TBL1X: variants seen among roughly 807,000 people sequenced by gnomAD.
The protein encoded by TBL1X is F-box-like/WD repeat-containing protein TBL1X.
In TBL1X, 10 loss-of-function variants were observed where a neutral mutation model predicts 50.7. The ratio of observed to expected loss-of-function variants is 0.20; its 90% CI spans 0.12 to 0.33. The LOEUF (loss-of-function observed/expected upper bound fraction) is 0.33, where lower values mean the gene tolerates loss of function less well. Ranked by LOEUF, TBL1X falls within the 10% of genes least tolerant of loss-of-function variation. TBL1X has a pLI of 1.00. For synonymous variants in TBL1X, 190 were observed against 214.7 expected (o/e 0.88, Z 1.01); for missense variants, 340 against 504.4 (o/e 0.67, Z 3.12).
At chrX:9,578,780 TTGA>T (rs1357307652) in intron 2 of TBL1X, among the ~76,000 whole-genome samples, 1 of 111,916 alleles carries the variant, frequency 8.9e-6, no homozygotes, top group African/African-American at 3.3e-5. Context: ...ACAGATAATA[TTGA>T]TGATGATAAC....
intron 1 of TBL1X, among the ~76,000 whole-genome samples, chrX:9,470,846 C>G (rs2146923179): frequency 9.0e-6 from 1 of 111,567 alleles, no homozygotes; most frequent in African/African-American, 3.3e-5. Context: ...GTTGGTCAGG[C>G]TGGTCTCGAA....
rs1453261339 is a variant in TBL1X at position 9,512,506 on chromosome X, G to GT, written c.-131+10663dup. Among the ~76,000 whole-genome samples the GT allele has an allele frequency of 5.1e-3, 408 of 80,191 alleles. 3 individuals carry two copies. The highest frequency in any genetic ancestry group is 0.017 in the African/African-American group (393 of 23,575). The allele number at this position is 80,191 out of a possible 115,157, so 69.6% of individuals were successfully genotyped here. A position where few individuals can be genotyped will look rare whatever the true frequency, so the allele number is the denominator to read the frequency against. On this transcript the variant is annotated intron_variant, in intron 2 of 17. Transcript: ENST00000645353. ...AGACTTTCTCTATGTACGTTTTTTT[G>GT]TTTTTTGGTTTTTTTTTGGGAGATG...
chrX:9,538,522 A>AGT (rs983944966), intron 2 of TBL1X, among the ~76,000 whole-genome samples: 25 of 112,481 alleles, frequency 2.2e-4, no homozygotes, highest in African/African-American at 7.4e-4. Context: ...GGACGTGCCC[A>AGT]GTCTCCCATC....
intron 2 of TBL1X, among the ~76,000 whole-genome samples, chrX:9,630,562 G>A (rs962132158): frequency 1.8e-5 from 2 of 111,966 alleles, no homozygotes; most frequent in Non-Finnish European, 3.8e-5. Context: ...TTGTTATATT[G>A]TTTTTAAAAT....
intron 2 of TBL1X, among the ~76,000 whole-genome samples, chrX:9,635,030 A>G (rs1416663169): frequency 9.0e-6 from 1 of 111,290 alleles, no homozygotes. Flanking sequence ...TGCAGGCAAG[A>G]TGTCCGCCCA....
At chrX:9,571,194 C>T (rs2082384630) in intron 2 of TBL1X, among the ~76,000 whole-genome samples, 1 of 111,544 alleles carries the variant, frequency 9.0e-6, no homozygotes, top group Non-Finnish European at 1.9e-5. Flanking sequence ...CAGATGGCCG[C>T]CTTCTTGCTG....
At chrX:9,652,261 G>T (rs1414588737) in intron 3 of TBL1X, among the ~76,000 whole-genome samples, 1 of 111,933 alleles carries the variant, frequency 8.9e-6, no homozygotes, top group Non-Finnish European at 1.9e-5. Flanking sequence ...AACCTAGGGA[G>T]TGGTGCCCCA....
chrX:9,492,402 T>G (rs1375076213), intron 1 of TBL1X, among the ~76,000 whole-genome samples: 1 of 111,752 alleles, frequency 8.9e-6, no homozygotes, highest in Admixed American at 9.5e-5. Flanking sequence ...GGAGGAGGAC[T>G]TGGCTTCATT....
chrX:9,607,416 G>A (rs1269146549), intron 2 of TBL1X, among the ~76,000 whole-genome samples: 10 of 113,404 alleles, frequency 8.8e-5, no homozygotes, highest in African/African-American at 3.2e-4. Context: ...TGCTGGCACC[G>A]CCTCACCCTG....
At chrX:9,602,272 G>A (rs1300591821) in intron 2 of TBL1X, among the ~76,000 whole-genome samples, 1 of 111,060 alleles carries the variant, frequency 9.0e-6, no homozygotes, top group Non-Finnish European at 1.9e-5. Flanking sequence ...GTGATATCAA[G>A]GTTATAAAAT....
intron 2 of TBL1X, among the ~76,000 whole-genome samples, chrX:9,567,158 C>G (rs2082355397): frequency 9.0e-6 from 1 of 111,379 alleles, no homozygotes; most frequent in African/African-American, 3.3e-5. Context: ...GGGCGTGTAC[C>G]CTTAGTAAGC....
chrX:9,492,499 C>T (rs1177780309), intron 1 of TBL1X, among the ~76,000 whole-genome samples: 1 of 111,789 alleles, frequency 8.9e-6, no homozygotes, highest in Non-Finnish European at 1.9e-5. Flanking sequence ...ATTATGCTAC[C>T]AGTCTTGGTA....
Position 9,509,013 on chromosome X carries a change from A to G in TBL1X, c.-131+7164A>G, listed in dbSNP as rs775517903. 2.7e-5 allele frequency among the ~76,000 whole-genome samples: 3 copies of G among 110,160 alleles called. No individual in the cohort carries two copies. The East Asian group carries it at 8.6e-4, about 31-fold the overall frequency. Reference sequence around the variant, plus strand: ...AATTAGGTAGTAGGGTGCTGCAGCAAACCACCATGACACACATACACCTGT... The same window carrying G: ...AATTAGGTAGTAGGGTGCTGCAGCAGACCACCATGACACACATACACCTGT... On this transcript the variant is annotated intron_variant, in intron 2 of 17. Transcript: ENST00000645353.
At chrX:9,682,175 G>A (rs1304298195) in intron 5 of TBL1X, among the ~76,000 whole-genome samples, 1 of 112,259 alleles carries the variant, frequency 8.9e-6, no homozygotes, top group African/African-American at 3.2e-5. Context: ...GTGAACCCAA[G>A]GGTGGGTTGC....
At chrX:9,509,054 G>A (rs1031639702) in intron 2 of TBL1X, among the ~76,000 whole-genome samples, 4 of 103,488 alleles carry the variant, frequency 3.9e-5, no homozygotes, top group Admixed American at 3.3e-4. Context: ...TAACCTGCAC[G>A]TTCTGCGCAT....
intron 2 of TBL1X, among the ~76,000 whole-genome samples, chrX:9,599,888 G>A (rs12011547): frequency 0.034 from 3,798 of 111,866 alleles, 151 homozygotes; most frequent in African/African-American, 0.12. Context: ...TTTGGGGAGC[G>A]TCTTTATGAA....
In TBL1X at chrX:9,718,961, C is replaced by A. The variant is rs756581627; in HGVS notation, c.*2715C>A. 5.3e-5 allele frequency: 6 copies of A among 112,299 alleles called. No individual in the cohort carries two copies. The highest frequency in any genetic ancestry group is 1.1e-4 in the Non-Finnish European group (6 of 53,297). The allele number at this position is 112,299 out of a possible 1,213,427, so 9.3% of individuals were successfully genotyped here. Reference sequence around the variant, plus strand: ...CACCATGGACAGCCGTTTTCAGAGCCTCCAGCATTTGCACACCACTACTCA... The same window carrying A: ...CACCATGGACAGCCGTTTTCAGAGCATCCAGCATTTGCACACCACTACTCA... On this transcript the variant is annotated 3_prime_UTR_variant, in exon 18 of 18. Transcript: ENST00000645353.
At chrX:9,633,176 A>G (rs5933748) in intron 2 of TBL1X, among the ~76,000 whole-genome samples, 54,360 of 110,898 alleles carry the variant, frequency 0.49, 10,056 homozygotes, top group African/African-American at 0.57. Flanking sequence ...CTTATTTTTA[A>G]AGAACATTAA....
At position 9,719,381 on chromosome X, in the gene TBL1X, G is replaced by T. The variant is rs2083296670; in HGVS notation, c.*3135G>T. 9.0e-6 allele frequency: 1 copy of T among 111,163 alleles called. No homozygotes were observed. 9.2% of individuals were successfully genotyped at this position (111,163 alleles called of 1,213,427 possible). On this transcript the variant is annotated 3_prime_UTR_variant, in exon 18 of 18. Transcript: ENST00000645353. ...TGTAAGGGTCTGCTTTGTTCTTGTTGCTTTTCTGTTTTTTAACCTTTTGTT... is the reference window on the plus strand; with the variant it reads ...TGTAAGGGTCTGCTTTGTTCTTGTTTCTTTTCTGTTTTTTAACCTTTTGTT...
Sources: gnomAD v4.1 joint callset for allele counts (sites outside exome capture counted in the v4.1 genomes callset) on GRCh38, gnomAD v4.1.1 for gene constraint, MANE v1.5 for transcripts, NCBI Gene and HGNC (gene_info 2026-07-23, HGNC 2026-07-21) for gene names.